CLCA2: variants seen among roughly 807,000 people sequenced by gnomAD.
The protein encoded by CLCA2 is chloride channel accessory 2, also known as calcium-activated chloride channel regulator 2.
CLCA2 carries 85 observed loss-of-function variants against 82.9 expected under a neutral mutation model. The observed-to-expected ratio is 1.03, with a 90% CI of 0.86 to 1.23. The LOEUF is 1.23. Ranked by LOEUF, CLCA2 falls within the 50% of genes most tolerant of loss-of-function variation. CLCA2 has a pLI of 0.00. For missense variants in CLCA2, 1,089 were observed against 1,124.8 expected (o/e 0.97, Z 0.45); for synonymous variants, 421 against 391.7 (o/e 1.07, Z -0.88).
intron 10 of CLCA2, among the ~76,000 whole-genome samples, chr1:86,444,253 T>C (rs1355178765): frequency 6.6e-6 from 1 of 152,220 alleles, no homozygotes; most frequent in Non-Finnish European, 1.5e-5. Context: ...TTTCCACTAG[T>C]ATTACAATTA....
intron 5 of CLCA2, among the ~76,000 whole-genome samples, chr1:86,432,912 A>T (rs1662529819): frequency 6.6e-6 from 1 of 152,210 alleles, no homozygotes; most frequent in Non-Finnish European, 1.5e-5. Flanking sequence ...CCTTTCCTCA[A>T]TCTCTTTCCT....
At chr1:86,426,327 A>G (rs1309754467) in intron 2 of CLCA2, among the ~76,000 whole-genome samples, 2 of 152,136 alleles carry the variant, frequency 1.3e-5, no homozygotes, top group East Asian at 3.8e-4. Flanking sequence ...AACATGTGGT[A>G]CAGCTTTCCC....
Position 86,455,465 on chromosome 1 carries a change from C to G in CLCA2, c.2770C>G (p.His924Asp). The change falls in exon 14 of 14, where the codon CAT becomes GAT. Residue 924 changes from histidine (H) to aspartate (D), a missense_variant. By Grantham distance (81) the His-to-Asp change is moderately conservative. Transcript: ENST00000370565. ...CATTTGCCTTATTATAGTTGTGACA[C>G]ATCATACTTTAAGCAGGAAAAAGAG... is the stretch of plus-strand genomic sequence containing the variant. ...GIICLIIVVT[H>D]HTLSRKKRAD... The G allele has an allele frequency of 6.5e-7, 1 of 1,538,902 alleles. No individual in the cohort carries two copies. The highest frequency in any genetic ancestry group is 8.7e-7 in the Non-Finnish European group (1 of 1,146,486).
chr1:86,429,221 G>A (rs1400825693), intron 3 of CLCA2, among the ~76,000 whole-genome samples: 1 of 152,172 alleles, frequency 6.6e-6, no homozygotes, highest in Non-Finnish European at 1.5e-5. Flanking sequence ...TGGAGACAGT[G>A]AGATGGGAAG....
intron 8 of CLCA2, among the ~76,000 whole-genome samples, 156 bp downstream of exon 8, chr1:86,440,481 C>G (rs1662705712): frequency 6.6e-6 from 1 of 151,020 alleles, no homozygotes. Flanking sequence ...CAAAATTTTG[C>G]TGATTTTTTT....
In CLCA2 at chr1:86,450,467, G is replaced by A. The variant is rs573375166; in HGVS notation, c.1985-96G>A. 1.0e-4 allele frequency: 97 copies of A among 939,834 alleles called. 1 individual carries two copies. The highest frequency in any genetic ancestry group is 1.4e-4 in the Non-Finnish European group (93 of 649,782). 58.2% of individuals were successfully genotyped at this position (939,834 alleles called of 1,614,324 possible). On this transcript the variant is annotated intron_variant, in intron 11 of 13. Transcript: ENST00000370565. ...AGAGCATGATAATATATCTTATATA[G>A]AAAGAATAAGGGGAGTAAATCTCAT...
At chr1:86,431,910 T>G (rs1662505198) in intron 4 of CLCA2, among the ~76,000 whole-genome samples, 1 of 152,142 alleles carries the variant, frequency 6.6e-6, no homozygotes, top group Admixed American at 6.6e-5. Context: ...GAAGCAGTTT[T>G]TTGTTTGTTT....
intron 10 of CLCA2, among the ~76,000 whole-genome samples, chr1:86,447,021 T>C (rs528307105): frequency 6.6e-4 from 100 of 152,300 alleles, no homozygotes; most frequent in African/African-American, 2.3e-3. Context: ...TGTGGAGTTT[T>C]TGGGAAGTGG....
At chr1:86,426,494 C>T (rs1317134193) in intron 2 of CLCA2, among the ~76,000 whole-genome samples, 1 of 152,086 alleles carries the variant, frequency 6.6e-6, no homozygotes, top group Non-Finnish European at 1.5e-5. Context: ...AAGCATTTGA[C>T]CTATGACCAG....
In CLCA2 at chr1:86,447,655, C is replaced by T; in HGVS notation, c.1861C>T (p.Pro621Ser). Reference protein sequence around the residue: ...VERDSLHFPHPVMIYANVKQG... With the variant: ...VERDSLHFPHSVMIYANVKQG... ...AAGAGACAGCCTCCATTTTCCTCAT[C>T]CTGTGATGATTTATGCCAATGTGAA... The change falls in exon 11 of 14, where the codon CCT becomes TCT. Residue 621 changes from proline (P) to serine (S), a missense_variant. Transcript: ENST00000370565. The T allele has an allele frequency of 6.2e-7, 1 of 1,614,130 alleles. No homozygotes were observed. The highest frequency in any genetic ancestry group is 8.5e-7 in the Non-Finnish European group (1 of 1,180,008).
chr1:86,448,067 G>C (rs1449873760), intron 11 of CLCA2: 1 of 422,618 alleles, frequency 2.4e-6, no homozygotes, highest in Non-Finnish European at 4.3e-6. Flanking sequence ...TCATACAGGA[G>C]CAGGCTTCTA....
intron 12 of CLCA2, among the ~76,000 whole-genome samples, chr1:86,451,879 A>C (rs6576834): frequency 0.17 from 25,407 of 152,182 alleles, 2,433 homozygotes; most frequent in African/African-American, 0.23. Flanking sequence ...TGCCTGGCAC[A>C]TAGAAGGTGC....
At chr1:86,450,344 T>C (rs893005649) in intron 11 of CLCA2, among the ~76,000 whole-genome samples, 5 of 152,208 alleles carry the variant, frequency 3.3e-5, no homozygotes, top group African/African-American at 1.2e-4. Context: ...GTACAACTTA[T>C]TCACCTTTAG....
chr1:86,452,544 C>T (rs1477274641), intron 12 of CLCA2, among the ~76,000 whole-genome samples: 1 of 152,186 alleles, frequency 6.6e-6, no homozygotes, highest in African/African-American at 2.4e-5. Context: ...CCTGCCTCAT[C>T]TCAAACGACT....
At position 86,443,850 on chromosome 1, in the gene CLCA2, A is replaced by T. The variant is rs772465577; in HGVS notation, c.1552A>T (p.Asn518Tyr). 4.3e-6 allele frequency: 7 copies of T among 1,614,100 alleles called. No individual in the cohort carries two copies. Among genetic ancestry groups the T allele is most frequent in the Non-Finnish European group, 5.9e-6 (7 of 1,179,962 alleles). The change falls in exon 10 of 14, where the codon AAT (asparagine) becomes TAT (tyrosine). Residue 518 changes from asparagine to tyrosine, a missense_variant. Asn to Tyr is a moderately radical substitution (Grantham distance 143, BLOSUM62 -2). Coordinates refer to ENST00000370565, the MANE Select transcript of CLCA2 (RefSeq NM_006536.7). ...HQLKNTVTVD[N>Y]TVGNDTMFLV... ...ATTGAAAAACACAGTGACTGTGGATAATACTGTGGGCAACGACACTATGTT... is the reference window on the plus strand; with the variant it reads ...ATTGAAAAACACAGTGACTGTGGATTATACTGTGGGCAACGACACTATGTT...
Position 86,434,744 on chromosome 1 carries a change from A to G in CLCA2, c.971A>G (p.Glu324Gly), listed in dbSNP as rs758402991. The change falls in exon 6 of 14, where the codon GAG becomes GGG. Residue 324 changes from glutamate to glycine, a missense_variant and splice_region_variant. By Grantham distance (98) the Glu-to-Gly change is moderately conservative (BLOSUM62 -2). Transcript: ENST00000370565. ...CTGGATGTGTCCAGCAAGATGGCAG[A>G]GGTAACATTTTGAACGAAAATGAAT... The part of the protein sequence containing the change: ...LVLDVSSKMA[E>G]ADRLLQLQQA... 6.2e-7 allele frequency: 1 copy of G among 1,604,378 alleles called. No homozygotes were observed. Among genetic ancestry groups the G allele is most frequent in the Non-Finnish European group, 8.5e-7 (1 of 1,171,618 alleles).
chr1:86,447,163 G>A (rs1485075078), intron 10 of CLCA2, among the ~76,000 whole-genome samples: 1 of 152,034 alleles, frequency 6.6e-6, no homozygotes, highest in African/African-American at 2.4e-5. Flanking sequence ...TTGGGGAAGG[G>A]GCTCAGATTA....
At chr1:86,440,376 C>A in intron 8 of CLCA2, 51 bp downstream of exon 8, 1 of 1,478,496 alleles carries the variant, frequency 6.8e-7, no homozygotes, top group Admixed American at 2.0e-5. Context: ...TTTAACTTGA[C>A]TATCCAAGAC....
chr1:86,452,102 T>C (rs1047705969), intron 12 of CLCA2, among the ~76,000 whole-genome samples: 2 of 151,792 alleles, frequency 1.3e-5, no homozygotes, highest in African/African-American at 2.4e-5. Flanking sequence ...TCACAAACTT[T>C]GTAATTTAAT....
Sources: gnomAD v4.1 joint callset for allele counts (sites outside exome capture counted in the v4.1 genomes callset) on GRCh38, gnomAD v4.1.1 for gene constraint, MANE v1.5 for transcripts, NCBI Gene and HGNC (gene_info 2026-07-23, HGNC 2026-07-21) for gene names.